MANBA: variants seen among roughly 807,000 people sequenced by gnomAD.
MANBA encodes the protein mannosidase beta, also known as beta-mannosidase.
Under a neutral mutation model 111.1 loss-of-function variants are expected in MANBA, and 83 were observed. That is an observed-to-expected ratio of 0.75 (90% CI 0.63 to 0.90). The LOEUF (loss-of-function observed/expected upper bound fraction) is 0.90, where lower values mean the gene tolerates loss of function less well. Ranked by LOEUF, MANBA falls within the 40% of genes least tolerant of loss-of-function variation. MANBA has a pLI of 0.00. For missense variants in MANBA, 1,036 were observed against 1,069.0 expected, an observed-to-expected ratio of 0.97 and a Z score of 0.43; for synonymous variants, 370 against 378.7, an observed-to-expected ratio of 0.98 and a Z score of 0.27.
intron 4 of MANBA, among the ~76,000 whole-genome samples, chr4:102,716,137 C>G (rs953469107): frequency 1.3e-5 from 2 of 151,602 alleles, no homozygotes; most frequent in African/African-American, 2.4e-5. Context: ...TGGAGAAACC[C>G]CGTCTCTACT....
chr4:102,690,833 T>C (rs928871616), intron 5 of MANBA, 62 bp from the exon 6 acceptor site: 7 of 628,476 alleles, frequency 1.1e-5, no homozygotes, highest in South Asian at 5.0e-5. Context: ...GCATTATCAC[T>C]GCATTTCTCA....
chr4:102,745,593 A>T (rs773511268), intron 1 of MANBA, among the ~76,000 whole-genome samples: 2 of 152,194 alleles, frequency 1.3e-5, no homozygotes, highest in African/African-American at 2.4e-5. Context: ...ACTGAGAGAG[A>T]TCAGGCATTT....
At chr4:102,651,051 G>A (rs918196049) in intron 12 of MANBA, among the ~76,000 whole-genome samples, 1 of 151,362 alleles carries the variant, frequency 6.6e-6, no homozygotes, top group Non-Finnish European at 1.5e-5. Flanking sequence ...ATCTACTTAG[G>A]TAAACATTTT....
At chr4:102,664,626 C>T (rs1174821080) in intron 11 of MANBA, 59 bp downstream of exon 11, 31 of 1,475,362 alleles carry the variant, frequency 2.1e-5, no homozygotes, top group Non-Finnish European at 2.9e-5. Flanking sequence ...GCGTGAGCCA[C>T]CACGCCCAGC....
At position 102,669,059 on chromosome 4, in the gene MANBA, C is replaced by T; in HGVS notation, c.1231-10G>A. On this transcript the variant is annotated splice_polypyrimidine_tract_variant and intron_variant, in intron 9 of 16. Transcript: ENST00000647097. ...TAAAATCCTGCCATACCTAGCAAAT[C>T]AAATAAAAGGGAATGCAACACTTCC... The T allele has an allele frequency of 6.3e-7, 1 of 1,595,540 alleles. No homozygotes were observed.
At chr4:102,674,585 A>G (rs72940740) in intron 7 of MANBA, among the ~76,000 whole-genome samples, 8,255 of 152,258 alleles carry the variant, frequency 0.054, 735 homozygotes, top group African/African-American at 0.18. Flanking sequence ...ATTAAACTCA[A>G]TGTTTGAGCA....
At position 102,653,493 on chromosome 4, in the gene MANBA, T is replaced by G. The variant is rs191323498; in HGVS notation, c.1705-2792A>C. 2.1e-3 allele frequency among the ~76,000 whole-genome samples: 317 copies of G among 152,324 alleles called. 1 individual carries two copies. Among genetic ancestry groups the G allele is most frequent in the African/African-American group, 7.4e-3 (309 of 41,578 alleles). On this transcript the variant is annotated intron_variant, in intron 12 of 16. Coordinates refer to ENST00000647097, the MANE Select transcript of MANBA (RefSeq NM_005908.4). ...GTATCCCAAATTAAAGAGATATGTT[T>G]TAATCAAGTTGTTGAATACATGAAA...
intron 11 of MANBA, among the ~76,000 whole-genome samples, chr4:102,660,110 A>T (rs1040689507): frequency 1.3e-5 from 2 of 152,136 alleles, no homozygotes; most frequent in African/African-American, 4.8e-5. Flanking sequence ...AACATCGCAA[A>T]TCCAACCTTT....
chr4:102,698,110 G>C (rs1732819064), intron 5 of MANBA, among the ~76,000 whole-genome samples: 1 of 151,756 alleles, frequency 6.6e-6, no homozygotes, highest in Non-Finnish European at 1.5e-5. Flanking sequence ...GATGGCCAGT[G>C]ATGATGAGCA....
intron 13 of MANBA, among the ~76,000 whole-genome samples, chr4:102,643,422 A>C (rs1265193948): frequency 6.6e-6 from 1 of 152,140 alleles, no homozygotes; most frequent in Non-Finnish European, 1.5e-5. Flanking sequence ...CTAAGAGTAA[A>C]ATTGCTGGGT....
intron 1 of MANBA, among the ~76,000 whole-genome samples, chr4:102,736,637 CTT>C (rs1250370920): frequency 6.6e-6 from 1 of 152,168 alleles, no homozygotes; most frequent in African/African-American, 2.4e-5. Flanking sequence ...TAAGAAAACA[CTT>C]ATCAAAAACA....
chr4:102,729,332 T>C (rs1391298938), intron 1 of MANBA: 4 of 755,928 alleles, frequency 5.3e-6, no homozygotes, highest in Non-Finnish European at 9.8e-6. Context: ...ATCTGGTACA[T>C]GCTCTCAGCC....
chr4:102,751,947 G>A (rs1280558006), intron 1 of MANBA: 25 of 683,664 alleles, frequency 3.7e-5, no homozygotes, highest in Admixed American at 1.1e-4. Context: ...AAGCCCGACC[G>A]TGCTGCAGAG....
chr4:102,664,870 A>G lies in MANBA; in HGVS notation c.1318-18T>C. 6.4e-7 allele frequency: 1 copy of G among 1,563,464 alleles called. No individual in the cohort carries two copies. Among genetic ancestry groups the G allele is most frequent in the Non-Finnish European group, 8.8e-7 (1 of 1,134,166 alleles). On this transcript the variant is annotated intron_variant, in intron 10 of 16. Coordinates refer to ENST00000647097, the MANE Select transcript of MANBA (RefSeq NM_005908.4). ...CTCTTGATCTGAAAATTAAGAAAAC[A>G]TAAAATGATTTTCAAAGAGTTAACA...
At chr4:102,726,329 A>C (rs1722798166) in intron 2 of MANBA, among the ~76,000 whole-genome samples, 2 of 152,204 alleles carry the variant, frequency 1.3e-5, no homozygotes, top group African/African-American at 2.4e-5. Flanking sequence ...CCACTGGAAA[A>C]ATGACTCCAT....
At chr4:102,679,034 A>G (rs982730486) in intron 7 of MANBA, among the ~76,000 whole-genome samples, 4 of 152,366 alleles carry the variant, frequency 2.6e-5, no homozygotes, top group East Asian at 1.9e-4. Flanking sequence ...AAATCCTTTT[A>G]CATGTATTTT....
At chr4:102,657,553 C>T in intron 12 of MANBA, 129 bp downstream of exon 12, 1 of 779,270 alleles carries the variant, frequency 1.3e-6, no homozygotes, top group South Asian at 1.6e-5. Context: ...TTATTTTCCT[C>T]CATCTTCTTC....
rs1442894309 is a variant in MANBA, at chr4:102,726,642, G to T, written c.219C>A (p.Val73=). 3 of 1,575,148 alleles carry T rather than the reference G, an allele frequency of 1.9e-6. No homozygotes were observed. The highest frequency in any genetic ancestry group is 1.3e-5 in the African/African-American group (1 of 74,132). ...TGCTATAGGTCCAGTTATCCAAAGAGACCCATCTGTAGTTAAGGTCATTAA... is the reference window on the plus strand; with the variant it reads ...TGCTATAGGTCCAGTTATCCAAAGATACCCATCTGTAGTTAAGGTCATTAA... ...YRFNDLNYRW[V]SLDNWTYSKE... is the part of the protein sequence containing the mutation. Residue 73 remains valine, a synonymous_variant, in exon 2 of 17, where the codon GTC becomes GTA. Transcript: ENST00000647097.
intron 5 of MANBA, among the ~76,000 whole-genome samples, chr4:102,692,079 G>A (rs1732501780): frequency 6.6e-6 from 1 of 152,148 alleles, no homozygotes; most frequent in East Asian, 1.9e-4. Context: ...AGATCAATGC[G>A]GAGTCATTGA....
Sources: gnomAD v4.1 joint callset for allele counts (sites outside exome capture counted in the v4.1 genomes callset) on GRCh38, gnomAD v4.1.1 for gene constraint, MANE v1.5 for transcripts, NCBI Gene and HGNC (gene_info 2026-07-23, HGNC 2026-07-21) for gene names.